The following PTPRN2 variants were observed in gnomAD, a reference collection of about 807,000 sequenced individuals.
PTPRN2 encodes protein tyrosine phosphatase receptor type N2, also known as receptor-type tyrosine-protein phosphatase N2.
In PTPRN2, 74 loss-of-function variants were observed where a neutral mutation model predicts 118.8. The ratio of observed to expected loss-of-function variants is 0.62; its 90% CI spans 0.52 to 0.76. PTPRN2 has a LOEUF of 0.76. PTPRN2 is among the 30% of genes least tolerant of loss of function. The pLI is 0.00. For synonymous variants in PTPRN2, 641 were observed against 608.0 expected (o/e 1.05, Z -0.80); for missense variants, 1,481 against 1,394.4 (o/e 1.06, Z -0.99).
At chr7:158,111,124 C>T (rs1050731618) in intron 9 of PTPRN2, among the ~76,000 whole-genome samples, 12 of 152,170 alleles carry the variant, frequency 7.9e-5, no homozygotes, top group South Asian at 2.1e-4. Flanking sequence ...CTGTGGGAAT[C>T]GCAAGTGGCC....
chr7:158,124,903 CG>C (rs1397239841), intron 9 of PTPRN2, among the ~76,000 whole-genome samples: 6 of 152,132 alleles, frequency 3.9e-5, no homozygotes, highest in Admixed American at 2.0e-4. Context: ...ACGTGCACGG[CG>C]GGTGAGAAAG....
chr7:157,776,872 C>T (rs1803351152), intron 12 of PTPRN2, among the ~76,000 whole-genome samples: 3 of 135,058 alleles, frequency 2.2e-5, no homozygotes, highest in Non-Finnish European at 3.2e-5. Context: ...CTCTCCTCCT[C>T]CTCCCTCTCC....
intron 1 of PTPRN2, among the ~76,000 whole-genome samples, chr7:158,514,794 T>G (rs1823415539): frequency 6.6e-6 from 1 of 152,222 alleles, no homozygotes; most frequent in Non-Finnish European, 1.5e-5. Context: ...CCCATCCATT[T>G]GGTTAACAGG....
chr7:158,321,762 T>C (rs550413609), intron 2 of PTPRN2, among the ~76,000 whole-genome samples: 1 of 148,142 alleles, frequency 6.8e-6, no homozygotes, highest in South Asian at 2.2e-4. Flanking sequence ...CCTTGGCTAC[T>C]GTCACCATCA....
intron 12 of PTPRN2, among the ~76,000 whole-genome samples, chr7:157,771,959 GACAGACAC>G (rs1802859138): frequency 6.7e-6 from 1 of 148,352 alleles, no homozygotes; most frequent in South Asian, 2.2e-4. Flanking sequence ...CACACATACA[GACAGACAC>G]ACACACATAC....
chr7:157,859,750 C>CTG (rs1486633985), intron 12 of PTPRN2, among the ~76,000 whole-genome samples: 3 of 107,426 alleles, frequency 2.8e-5, no homozygotes, highest in Non-Finnish European at 3.8e-5. Context: ...GCCCCGGCCA[C>CTG]CACCCACACT....
chr7:158,493,150 G>T (rs552032369), intron 1 of PTPRN2, among the ~76,000 whole-genome samples: 1 of 152,186 alleles, frequency 6.6e-6, no homozygotes, highest in East Asian at 1.9e-4. Context: ...GTGCTCAGGG[G>T]TTCCTCCTCA....
chr7:158,006,693 C>T (rs910323189), intron 11 of PTPRN2, among the ~76,000 whole-genome samples: 4 of 152,238 alleles, frequency 2.6e-5, no homozygotes, highest in African/African-American at 9.6e-5. Context: ...GCTGTGCACG[C>T]TGAGTGTCCT....
intron 2 of PTPRN2, among the ~76,000 whole-genome samples, chr7:158,377,294 G>T (rs1586512415): frequency 6.6e-6 from 1 of 152,262 alleles, no homozygotes; most frequent in East Asian, 1.9e-4. Context: ...AGCACGCGGG[G>T]TCAGGGGATG....
In PTPRN2 at chr7:158,489,735, C is replaced by T; in HGVS notation, c.163G>A (p.Asp55Asn). ...GCAGCAGCCAGGACCCCACACTCAC[C>T]GTTCACACAGGCCTCGGACGCTCCG... is the stretch of plus-strand genomic sequence containing the variant. ...LCGASEACVN[D>N]GVFGRCQKVP... Residue 55 changes from aspartate (D) to asparagine (N), a missense_variant and splice_region_variant, in exon 2 of 23, where the codon GAT (aspartate) becomes AAT (asparagine). Transcript: ENST00000389418. 1 of 1,581,232 alleles carries T rather than the reference C, an allele frequency of 6.3e-7. No homozygotes were observed. Among genetic ancestry groups the T allele is most frequent in the Non-Finnish European group, 8.6e-7 (1 of 1,165,032 alleles).
rs555710674 is a variant in PTPRN2, at chr7:157,785,469, C to T, written c.1789-102532G>A. 2.6e-5 allele frequency among the ~76,000 whole-genome samples: 4 copies of T among 152,300 alleles called. No homozygotes were observed. The highest frequency in any genetic ancestry group is 1.9e-4 in the East Asian group (1 of 5,158). On this transcript the variant is annotated intron_variant, in intron 12 of 22. Transcript: ENST00000389418. The surrounding 1 kb of genome is among the most constrained non-coding windows in gnomAD (Gnocchi z 7.3). ...AGAGGGGCCCCAGGCCGGCCCCACT[C>T]CCAGACTAGAGCCAGCACTCGCGGG...
chr7:158,131,201 C>A lies in PTPRN2; in HGVS notation c.1556+2476G>T, dbSNP rs143248196. 5.5e-4 allele frequency among the ~76,000 whole-genome samples: 84 copies of A among 151,884 alleles called. No individual in the cohort carries two copies. The Middle Eastern group carries it at 0.01, about 19-fold the overall frequency. On this transcript the variant is annotated intron_variant, in intron 9 of 22. Coordinates refer to ENST00000389418, the MANE Select transcript of PTPRN2 (RefSeq NM_002847.5). ...AATACACATCTACCTGACATACACACTCATATACACACACGTACATACACA... is the reference window on the plus strand; with the variant it reads ...AATACACATCTACCTGACATACACAATCATATACACACACGTACATACACA...
At chr7:158,501,744 G>A (rs1488199912) in intron 1 of PTPRN2, among the ~76,000 whole-genome samples, 9 of 152,320 alleles carry the variant, frequency 5.9e-5, no homozygotes, top group African/African-American at 2.2e-4. Flanking sequence ...AGGCCAACGC[G>A]TGTTTCGGCA....
At chr7:158,330,721 G>A (rs568779876) in intron 2 of PTPRN2, among the ~76,000 whole-genome samples, 4 of 113,494 alleles carry the variant, frequency 3.5e-5, no homozygotes, top group African/African-American at 8.5e-5. Context: ...CATAAGAGCC[G>A]ACACGTGCAG....
chr7:158,102,598 C>T (rs1815318894), intron 10 of PTPRN2, among the ~76,000 whole-genome samples: 2 of 152,294 alleles, frequency 1.3e-5, no homozygotes, highest in East Asian at 3.9e-4. Flanking sequence ...CCCAGGGCTG[C>T]AGAATCACAG....
intron 12 of PTPRN2, among the ~76,000 whole-genome samples, chr7:157,689,386 G>A (rs1563347787): frequency 6.6e-6 from 1 of 152,210 alleles, no homozygotes; most frequent in Non-Finnish European, 1.5e-5. Context: ...GGGACCCCGG[G>A]GCCGCTGTCC....
At chr7:158,090,654 C>G (rs1250126867) in intron 10 of PTPRN2, among the ~76,000 whole-genome samples, 1 of 152,202 alleles carries the variant, frequency 6.6e-6, no homozygotes, top group African/African-American at 2.4e-5. Context: ...TGCTTGTGTT[C>G]TAGGATACTC....
At chr7:157,584,795 T>G (rs1800582049) in intron 17 of PTPRN2, among the ~76,000 whole-genome samples, 1 of 152,266 alleles carries the variant, frequency 6.6e-6, no homozygotes, top group Non-Finnish European at 1.5e-5. Context: ...CTGTGTGGTC[T>G]GAGACAGATT....
At chr7:158,520,245 TGCATTGGCA>T (rs1823883192) in intron 1 of PTPRN2, among the ~76,000 whole-genome samples, 1 of 152,180 alleles carries the variant, frequency 6.6e-6, no homozygotes, top group African/African-American at 2.4e-5. Flanking sequence ...TTGAACAAGG[TGCATTGGCA>T]GCCTGGGTCT....
Sources: allele counts gnomAD v4.1 joint callset (sites outside exome capture counted in the v4.1 genomes callset), GRCh38; gene constraint gnomAD v4.1.1; non-coding constraint Gnocchi (gnomAD v3.1); transcripts MANE v1.5; gene names NCBI Gene and HGNC (gene_info 2026-07-23, HGNC 2026-07-21).